The following TACC2 variants were observed in gnomAD, a reference collection of about 807,000 sequenced individuals.
TACC2 encodes transforming acidic coiled-coil containing protein 2, also known as transforming acidic coiled-coil-containing protein 2.
In TACC2, 137 loss-of-function variants were observed where a neutral mutation model predicts 227.3. The ratio of observed to expected loss-of-function variants is 0.60; its 90% CI spans 0.52 to 0.69. TACC2 has a LOEUF of 0.69. TACC2 is among the 30% of genes least tolerant of loss of function. The pLI, the probability that TACC2 is intolerant of heterozygous loss-of-function variation, is 0.00. For missense variants in TACC2, 3,470 were observed against 3,694.4 expected, an observed-to-expected ratio of 0.94 and a Z score of 1.57; for synonymous variants, 1,523 against 1,487.5, an observed-to-expected ratio of 1.02 and a Z score of -0.55.
At chr10:122,224,126 TTTAC>T (rs1457975014) in intron 11 of TACC2, among the ~76,000 whole-genome samples, 1 of 152,202 alleles carries the variant, frequency 6.6e-6, no homozygotes, top group East Asian at 1.9e-4. Flanking sequence ...CCCATTGGAC[TTTAC>T]TAGTCTTTGA....
At chr10:122,197,977 T>A (rs1312673895) in intron 8 of TACC2, among the ~76,000 whole-genome samples, 1 of 152,236 alleles carries the variant, frequency 6.6e-6, no homozygotes, top group African/African-American at 2.4e-5. Flanking sequence ...GAAAGAAGGG[T>A]ACCAGGGGAA....
chr10:122,073,414 G>T lies in TACC2; in HGVS notation c.147-9233G>T, dbSNP rs1248101646. Among the ~76,000 whole-genome samples the T allele has an allele frequency of 2.0e-5, 3 of 152,210 alleles. No homozygotes were observed. The East Asian group carries it at 5.8e-4, about 29-fold the overall frequency. ...ACAAAAGAGCAGTTCACATCTTCCT[G>T]GTTGACAAGCAGATCCCACCTGGGA... On this transcript the variant is annotated intron_variant, in intron 3 of 22. Transcript: ENST00000369005.
intron 1 of TACC2, among the ~76,000 whole-genome samples, chr10:121,995,276 C>G (rs1291358593): frequency 6.6e-6 from 1 of 152,214 alleles, no homozygotes; most frequent in Non-Finnish European, 1.5e-5. Flanking sequence ...CTGAGTTTGA[C>G]TTGGTGTCAG....
intron 13 of TACC2, among the ~76,000 whole-genome samples, chr10:122,227,281 A>C (rs2095647895): frequency 6.6e-6 from 1 of 152,186 alleles, no homozygotes; most frequent in African/African-American, 2.4e-5. Flanking sequence ...AAGTGTGGGC[A>C]TTGCTGTGAG....
At chr10:122,026,162 C>CAAAA (rs777120162) in intron 2 of TACC2, among the ~76,000 whole-genome samples, 1 of 96,110 alleles carries the variant, frequency 1.0e-5, no homozygotes, top group African/African-American at 4.5e-5. Flanking sequence ...ACTAAAAATC[C>CAAAA]AAAAAAAAAA....
chr10:122,044,235 C>T (rs960561264), intron 2 of TACC2, among the ~76,000 whole-genome samples: 1 of 152,214 alleles, frequency 6.6e-6, no homozygotes, highest in African/African-American at 2.4e-5. Context: ...GGCAGCCTTT[C>T]GCTTGTTGGC....
At chr10:122,064,728 G>C (rs1420153646) in intron 3 of TACC2, among the ~76,000 whole-genome samples, 1 of 152,058 alleles carries the variant, frequency 6.6e-6, no homozygotes, top group Non-Finnish European at 1.5e-5. Context: ...AAACCCCTTA[G>C]GCTCCACCCA....
intron 6 of TACC2, among the ~76,000 whole-genome samples, chr10:122,134,007 A>G (rs746364941): frequency 3.4e-4 from 51 of 152,148 alleles, no homozygotes; most frequent in Non-Finnish European, 3.4e-4. Flanking sequence ...CGACAGCACC[A>G]AGACACCTCT....
intron 3 of TACC2, among the ~76,000 whole-genome samples, chr10:122,056,875 T>C (rs2076262793): frequency 6.6e-6 from 1 of 152,110 alleles, no homozygotes; most frequent in Non-Finnish European, 1.5e-5. Flanking sequence ...GCTAGGGAAG[T>C]GCTTTGTGGT....
intron 1 of TACC2, among the ~76,000 whole-genome samples, chr10:122,005,898 T>C (rs1285938347): frequency 6.6e-6 from 1 of 152,042 alleles, no homozygotes; most frequent in Non-Finnish European, 1.5e-5. Context: ...TTTTGCCATG[T>C]TGGCCAGGCT....
At chr10:122,067,096 G>T (rs2077468976) in intron 3 of TACC2, among the ~76,000 whole-genome samples, 1 of 152,174 alleles carries the variant, frequency 6.6e-6, no homozygotes, top group Non-Finnish European at 1.5e-5. Context: ...AGGAAAAAGA[G>T]ACTGTATTTA....
chr10:122,248,807 G>A lies in TACC2; in HGVS notation c.8553+4G>A, dbSNP rs766865766. ...GGTCCTAGAAGGCTTCCGCAAGGTA[G>A]GGCTGAGTTTGGGGGCCACGGAGGA... is the stretch of plus-strand genomic sequence containing the variant. On this transcript the variant is annotated splice_donor_region_variant and intron_variant, in intron 20 of 22. Coordinates refer to ENST00000369005, the MANE Select transcript of TACC2 (RefSeq NM_206862.4). The A allele has an allele frequency of 6.2e-7, 1 of 1,614,092 alleles. No individual in the cohort carries two copies. The highest frequency in any genetic ancestry group is 8.5e-7 in the Non-Finnish European group (1 of 1,179,998).
chr10:122,044,398 C>A (rs911108887), intron 2 of TACC2, among the ~76,000 whole-genome samples: 1 of 152,190 alleles, frequency 6.6e-6, no homozygotes, highest in Non-Finnish European at 1.5e-5. Context: ...GATGGGCAGC[C>A]GGCTGGCTCT....
At chr10:122,100,332 G>C (rs1156989997) in intron 5 of TACC2, among the ~76,000 whole-genome samples, 3 of 151,930 alleles carry the variant, frequency 2.0e-5, no homozygotes, top group African/African-American at 7.3e-5. Context: ...TAAGAGGAAA[G>C]CTGTAACTCT....
chr10:122,073,069 C>T (rs530577789), intron 3 of TACC2, among the ~76,000 whole-genome samples: 17 of 136,562 alleles, frequency 1.2e-4, no homozygotes, highest in East Asian at 4.4e-4. Flanking sequence ...GCCAAGATCA[C>T]GCCATTGGAC....
intron 5 of TACC2, 147 bp downstream of exon 5, chr10:122,088,738 G>C: frequency 1.3e-6 from 2 of 1,540,296 alleles, no homozygotes; most frequent in Non-Finnish European, 1.7e-6. Flanking sequence ...TTTATGTACA[G>C]GTACAGCAGT....
chr10:122,049,681 T>G lies in TACC2; in HGVS notation c.34-757T>G, dbSNP rs2075458265. ...GAGCTTACAAAAGCCCTTTCCCTTC[T>G]TCTGATTTTTATATTATACTAAAAT... On this transcript the variant is annotated intron_variant, in intron 2 of 22. Transcript: ENST00000369005. Among the ~76,000 whole-genome samples the G allele has an allele frequency of 1.3e-5, 2 of 152,104 alleles. 1 individual carries two copies. Among genetic ancestry groups the G allele is most frequent in the African/African-American group, 4.8e-5 (2 of 41,436 alleles).
chr10:122,002,383 T>C (rs999638777), intron 1 of TACC2, among the ~76,000 whole-genome samples: 1 of 151,224 alleles, frequency 6.6e-6, no homozygotes, highest in Non-Finnish European at 1.5e-5. Flanking sequence ...AGTATGTTTT[T>C]CAATATTTTT....
At chr10:122,160,600 T>C (rs1002462595) in intron 7 of TACC2, among the ~76,000 whole-genome samples, 3 of 152,066 alleles carry the variant, frequency 2.0e-5, no homozygotes, top group African/African-American at 7.2e-5. Context: ...GAGGGGACCC[T>C]TATGATGTAA....
Sources: allele counts gnomAD v4.1 joint callset (sites outside exome capture counted in the v4.1 genomes callset), GRCh38; gene constraint gnomAD v4.1.1; transcripts MANE v1.5; gene names NCBI Gene and HGNC (gene_info 2026-07-23, HGNC 2026-07-21).